TENM3: variants seen among roughly 807,000 people sequenced by gnomAD.
TENM3 encodes the protein teneurin-3.
TENM3 carries 63 observed loss-of-function variants against 255.1 expected under a neutral mutation model. The ratio of observed to expected loss-of-function variants is 0.25; its 90% CI spans 0.20 to 0.30. The LOEUF (loss-of-function observed/expected upper bound fraction) is 0.30, where lower values mean the gene tolerates loss of function less well. Among genes scored for constraint, TENM3 ranks in the 10% least tolerant of loss-of-function variants. The probability of loss-of-function intolerance (pLI) is 1.00; values close to 1 mark genes in which losing one functional copy is unlikely to be tolerated. For missense variants in TENM3, 2,929 were observed against 3,461.1 expected (o/e 0.85, Z 3.86); for synonymous variants, 1,306 against 1,322.3 (o/e 0.99, Z 0.27).
intron 1 of TENM3, among the ~76,000 whole-genome samples, chr4:182,256,590 T>C (rs553682979): frequency 1.3e-5 from 2 of 152,198 alleles, no homozygotes; most frequent in East Asian, 3.9e-4. Context: ...GTTTCAGGAG[T>C]TGGTCAAGTC....
chr4:182,221,915 G>A (rs1160911487), intron 1 of TENM3, among the ~76,000 whole-genome samples: 1 of 152,080 alleles, frequency 6.6e-6, no homozygotes, highest in Non-Finnish European at 1.5e-5. Context: ...TTTGGGGAGA[G>A]TTCTTGTGGA....
chr4:181,880,160 G>A, the TENM3 span, among the ~76,000 whole-genome samples: 2 of 152,052 alleles, frequency 1.3e-5, no homozygotes, highest in Admixed American at 6.6e-5. Context: ...CCAGCCAAAG[G>A]CACCTTCCTC....
the TENM3 span, among the ~76,000 whole-genome samples, chr4:181,474,759 A>G: frequency 6.6e-6 from 1 of 151,126 alleles, no homozygotes; most frequent in Non-Finnish European, 1.5e-5. Flanking sequence ...AAAAACAAAG[A>G]AAGTTTCCAT....
At chr4:181,818,870 T>C in the TENM3 span, among the ~76,000 whole-genome samples, 1 of 152,224 alleles carries the variant, frequency 6.6e-6, no homozygotes, top group Non-Finnish European at 1.5e-5. Context: ...CCCAAAGTGC[T>C]GGGATTACAG....
chr4:182,556,285 G>T (rs1419749243), intron 3 of TENM3, among the ~76,000 whole-genome samples: 1 of 152,144 alleles, frequency 6.6e-6, no homozygotes. Flanking sequence ...GCTCATTCTT[G>T]GTTGCTTAAG....
intron 1 of TENM3, among the ~76,000 whole-genome samples, chr4:182,320,492 G>A (rs977234508): frequency 4.6e-5 from 7 of 152,096 alleles, no homozygotes; most frequent in African/African-American, 1.4e-4. Flanking sequence ...GTGTCTGTGT[G>A]TGCCTGTATC....
chr4:181,675,371 T>G, the TENM3 span, among the ~76,000 whole-genome samples: 2 of 152,156 alleles, frequency 1.3e-5, no homozygotes, highest in Non-Finnish European at 2.9e-5. Context: ...ATGGCCCTTT[T>G]TATTGTTTCA....
chr4:182,680,778 A>G (rs1302067530), intron 10 of TENM3, 41 bp downstream of exon 10: 1 of 1,402,048 alleles, frequency 7.1e-7, no homozygotes, highest in South Asian at 1.6e-5. Flanking sequence ...TGTTATCTTC[A>G]TAAAGAAACA....
intron 3 of TENM3, among the ~76,000 whole-genome samples, chr4:182,565,135 T>G (rs2151989763): frequency 6.6e-6 from 1 of 152,328 alleles, no homozygotes; most frequent in South Asian, 2.1e-4. Context: ...TTGCACAGTT[T>G]ATAAAGTACA....
rs142508414 is a variant in TENM3 at position 182,546,322 on chromosome 4, G to A, written c.512-54602G>A. Among the ~76,000 whole-genome samples, 10 of 152,282 alleles carry A rather than the reference G, an allele frequency of 6.6e-5. No homozygotes were observed. In the East Asian group the frequency reaches 1.5e-3, roughly 24 times the overall value. On this transcript the variant is annotated intron_variant, in intron 3 of 27. Coordinates refer to ENST00000511685, the MANE Select transcript of TENM3 (RefSeq NM_001080477.4). ...TTTAATTTTTCTTTCTAGAAAAATT[G>A]ACAGCAGGGGCCATGTCTGTTTGGT...
the TENM3 span, among the ~76,000 whole-genome samples, chr4:181,927,000 A>G: frequency 6.6e-6 from 1 of 152,054 alleles, no homozygotes; most frequent in Non-Finnish European, 1.5e-5. Context: ...CACTTTTCCC[A>G]TGGTCTTCGC....
intron 3 of TENM3, among the ~76,000 whole-genome samples, chr4:182,465,609 T>C (rs1490723520): frequency 6.6e-6 from 1 of 152,158 alleles, no homozygotes; most frequent in Non-Finnish European, 1.5e-5. Context: ...ACCAAAGTCT[T>C]AGGGAATTAG....
At chr4:182,508,686 A>G (rs1737076076) in intron 3 of TENM3, among the ~76,000 whole-genome samples, 1 of 152,188 alleles carries the variant, frequency 6.6e-6, no homozygotes, top group African/African-American at 2.4e-5. Flanking sequence ...ACTTTGTGCA[A>G]TTGAGTGAGA....
intron 3 of TENM3, among the ~76,000 whole-genome samples, chr4:182,531,144 C>T (rs550136711): frequency 1.3e-5 from 2 of 151,972 alleles, no homozygotes; most frequent in South Asian, 2.1e-4. Flanking sequence ...CCTGTGCTAT[C>T]GTGGAAATCA....
At chr4:181,931,711 C>T in the TENM3 span, among the ~76,000 whole-genome samples, 1 of 152,160 alleles carries the variant, frequency 6.6e-6, no homozygotes, top group African/African-American at 2.4e-5. Flanking sequence ...ATAGCCAAGG[C>T]AATCCTAAGC....
chr4:182,038,830 T>A, the TENM3 span, among the ~76,000 whole-genome samples: 1 of 152,188 alleles, frequency 6.6e-6, no homozygotes, highest in African/African-American at 2.4e-5. Flanking sequence ...GCCTCTCGGG[T>A]TCAAGTGATT....
At chr4:182,472,459 C>G (rs1045627062) in intron 3 of TENM3, among the ~76,000 whole-genome samples, 7 of 152,018 alleles carry the variant, frequency 4.6e-5, no homozygotes, top group Admixed American at 3.9e-4. Flanking sequence ...CTATTTAAAA[C>G]TTTCTAGGTT....
intron 3 of TENM3, among the ~76,000 whole-genome samples, chr4:182,506,408 T>C (rs1394783355): frequency 1.3e-5 from 2 of 152,192 alleles, no homozygotes; most frequent in Non-Finnish European, 2.9e-5. Context: ...AACATTTAAA[T>C]AACGATTAAA....
At position 182,287,609 on chromosome 4, in the gene TENM3, T is replaced by TTATTTATTTATTTTA. The variant is rs1486764626; in HGVS notation, c.-75-36336_-75-36335insATTTATTTATTTTAT. 2.4e-3 allele frequency among the ~76,000 whole-genome samples: 271 copies of TTATTTATTTATTTTA among 111,932 alleles called. 1 individual carries two copies. Among genetic ancestry groups the TTATTTATTTATTTTA allele is most frequent in the African/African-American group, 0.01 (264 of 25,628 alleles). The allele number at this position is 111,932 out of a possible 152,430, so 73.4% of individuals were successfully genotyped here. A position where few individuals can be genotyped will look rare whatever the true frequency, so the allele number is the denominator to read the frequency against. ...CTTTTCTTTCTTTACTTTTCATTTA[T>TTATTTATTTATTTTA]TGTTTATTTATTTATTTTTTTTGAG... is the stretch of plus-strand genomic sequence containing the variant. On this transcript the variant is annotated intron_variant, in intron 1 of 27. Coordinates refer to ENST00000511685, the MANE Select transcript of TENM3 (RefSeq NM_001080477.4).
Sources: gnomAD v4.1 joint callset for allele counts (sites outside exome capture counted in the v4.1 genomes callset) on GRCh38, gnomAD v4.1.1 for gene constraint, MANE v1.5 for transcripts, NCBI Gene and HGNC (gene_info 2026-07-23, HGNC 2026-07-21) for gene names.